Variants in CEP192 observed in about 807,000 individuals in gnomAD.
The protein encoded by CEP192 is centrosomal protein 192.
CEP192 carries 151 observed loss-of-function variants against 271.8 expected under a neutral mutation model. That is an observed-to-expected ratio of 0.56 (90% CI 0.49 to 0.64). The LOEUF is 0.64. Ranked by LOEUF, CEP192 falls within the 30% of genes least tolerant of loss-of-function variation. The probability of loss-of-function intolerance (pLI) is 0.00; values close to 1 mark genes in which losing one functional copy is unlikely to be tolerated. For synonymous variants in CEP192, 995 were observed against 1,076.5 expected (o/e 0.92, Z 1.48); for missense variants, 2,910 against 3,020.5 (o/e 0.96, Z 0.86).
chr18:13,109,462 A>G (rs1259556734), intron 40 of CEP192, among the ~76,000 whole-genome samples: 3 of 152,182 alleles, frequency 2.0e-5, no homozygotes, highest in Non-Finnish European at 4.4e-5. Context: ...GGGATCATTC[A>G]TACCTCAAAC....
intron 43 of CEP192, 43 bp from the exon 44 acceptor site, chr18:13,117,542 C>G: frequency 1.4e-6 from 2 of 1,412,802 alleles, no homozygotes; most frequent in Non-Finnish European, 2.0e-6. Context: ...GCTAAAAGAT[C>G]TAATTTTCAT....
intron 4 of CEP192, among the ~76,000 whole-genome samples, chr18:13,010,883 A>T (rs577420478): frequency 6.6e-6 from 1 of 151,942 alleles, no homozygotes; most frequent in Non-Finnish European, 1.5e-5. Context: ...TGGCCAGTAA[A>T]CACATGAAAA....
At chr18:13,087,784 A>C (rs2038965343) in intron 32 of CEP192, 138 bp downstream of exon 32, 1 of 438,846 alleles carries the variant, frequency 2.3e-6, no homozygotes, top group South Asian at 5.8e-5. Flanking sequence ...GGTAGAATTT[A>C]TGTGGATGAT....
intron 33 of CEP192, 117 bp from the exon 34 acceptor site, chr18:13,092,260 A>T (rs1301345281): frequency 1.9e-5 from 13 of 667,492 alleles, no homozygotes; most frequent in Admixed American, 3.8e-5. Flanking sequence ...TCCAAATGTC[A>T]CCTCCCCCAA....
intron 30 of CEP192, among the ~76,000 whole-genome samples, chr18:13,076,033 G>T (rs1411931154): frequency 6.6e-6 from 1 of 152,148 alleles, no homozygotes; most frequent in Admixed American, 6.5e-5. Flanking sequence ...ATAACTGGGG[G>T]CAGGACAAGA....
chr18:13,010,427 G>A (rs1185784817), intron 4 of CEP192, among the ~76,000 whole-genome samples: 1 of 151,954 alleles, frequency 6.6e-6, no homozygotes, highest in Non-Finnish European at 1.5e-5. Context: ...TTCTCTTGAT[G>A]AAAAATGTTA....
chr18:13,094,067 A>G (rs2039277133), intron 34 of CEP192, among the ~76,000 whole-genome samples: 1 of 152,128 alleles, frequency 6.6e-6, no homozygotes, highest in Non-Finnish European at 1.5e-5. Flanking sequence ...TGCAGATTCA[A>G]TTTTCACACT....
chr18:13,109,422 A>C (rs1055660441), intron 40 of CEP192, among the ~76,000 whole-genome samples: 1 of 152,262 alleles, frequency 6.6e-6, no homozygotes, highest in Admixed American at 6.5e-5. Flanking sequence ...AAAATTAACT[A>C]TTGGGTACTA....
intron 11 of CEP192, among the ~76,000 whole-genome samples, chr18:13,031,080 C>T (rs1323139622): frequency 5.3e-5 from 8 of 152,070 alleles, no homozygotes; most frequent in East Asian, 3.9e-4. Context: ...GCATCATCCC[C>T]GACAGTGAAT....
intron 38 of CEP192, among the ~76,000 whole-genome samples, chr18:13,100,813 A>C (rs1293774914): frequency 1.3e-5 from 2 of 152,230 alleles, no homozygotes; most frequent in Non-Finnish European, 2.9e-5. Flanking sequence ...TAGCAGATGA[A>C]GAAGACAGGA....
Position 13,124,697 on chromosome 18 carries a change from T to C in CEP192, c.7541T>C (p.Leu2514Ser). 1.2e-6 allele frequency: 2 copies of C among 1,614,088 alleles called. No homozygotes were observed. The highest frequency in any genetic ancestry group is 2.2e-5 in the South Asian group (2 of 91,082). Residue 2514 changes from leucine to serine, a missense_variant, in exon 45 of 45, where the codon TTG becomes TCG. Coordinates refer to ENST00000506447, the MANE Select transcript of CEP192 (RefSeq NM_032142.4). ...AAGTCCGCAGGCAAATTTGAAGCTT[T>C]GCTTGTCATTCAAACAGATGAAGGC... is the stretch of plus-strand genomic sequence containing the variant. ...KPKSAGKFEA[L>S]LVIQTDEGKS...
chr18:13,074,518 C>A (rs2038173106), intron 30 of CEP192, among the ~76,000 whole-genome samples: 1 of 152,134 alleles, frequency 6.6e-6, no homozygotes, highest in Admixed American at 6.5e-5. Flanking sequence ...TGAGGTTGTT[C>A]TCAAGGAAGA....
chr18:13,053,014 G>T lies in CEP192; in HGVS notation c.3113G>T (p.Ser1038Ile). The change falls in exon 18 of 45, where the codon AGC becomes ATC. Residue 1038 changes from serine (S) to isoleucine (I), a missense_variant. Physicochemically the swap from Ser to Ile is moderately radical, Grantham distance 142. Transcript: ENST00000506447. ...SPLVCSPAGV[S>I]RLTYVSEPES... ...TTGGTGTGCTCGCCTGCTGGGGTGAGCAGGCTGACGTATGTGTCTGAACCA... is the reference window on the plus strand; with the variant it reads ...TTGGTGTGCTCGCCTGCTGGGGTGATCAGGCTGACGTATGTGTCTGAACCA... 6.2e-7 allele frequency: 1 copy of T among 1,613,976 alleles called. No individual in the cohort carries two copies. Among genetic ancestry groups the T allele is most frequent in the East Asian group, 2.2e-5 (1 of 44,858 alleles).
intron 4 of CEP192, 35 bp from the exon 5 acceptor site, chr18:13,012,938 C>A: frequency 8.1e-7 from 1 of 1,227,132 alleles, no homozygotes; most frequent in South Asian, 1.4e-5. Context: ...ATAAAATAAC[C>A]TGGTCTCTCA....
intron 26 of CEP192, 118 bp downstream of exon 26, chr18:13,069,299 A>G (rs2037884215): frequency 2.5e-6 from 2 of 796,454 alleles, no homozygotes; most frequent in East Asian, 2.5e-5. Context: ...ACCTCAGATG[A>G]AAGAATCGCT....
intron 12 of CEP192, 134 bp from the exon 13 acceptor site, chr18:13,038,236 A>G: frequency 1.5e-6 from 1 of 688,828 alleles, no homozygotes; most frequent in Middle Eastern, 3.5e-4. Flanking sequence ...CAGTTTGTCC[A>G]ATTTTTTTTT....
intron 21 of CEP192, among the ~76,000 whole-genome samples, chr18:13,062,485 G>T (rs866411844): frequency 3.3e-5 from 5 of 150,482 alleles, no homozygotes; most frequent in African/African-American, 1.2e-4. Flanking sequence ...TAGAAGAAAT[G>T]TGTGCAGGTT....
intron 17 of CEP192, among the ~76,000 whole-genome samples, chr18:13,051,194 G>A (rs1323001792): frequency 6.6e-6 from 1 of 151,986 alleles, no homozygotes; most frequent in African/African-American, 2.4e-5. Flanking sequence ...ATACCCTTTC[G>A]GTATGTCTTC....
intron 3 of CEP192, among the ~76,000 whole-genome samples, chr18:13,007,211 C>T (rs939502553): frequency 2.0e-5 from 3 of 152,192 alleles, no homozygotes; most frequent in African/African-American, 7.2e-5. Flanking sequence ...AGTTCTTACC[C>T]AGATTGCTTC....
Sources: gnomAD v4.1 joint callset for allele counts (sites outside exome capture counted in the v4.1 genomes callset) on GRCh38, gnomAD v4.1.1 for gene constraint, MANE v1.5 for transcripts, NCBI Gene and HGNC (gene_info 2026-07-23, HGNC 2026-07-21) for gene names.